Variants in HMCN1 observed in about 807,000 individuals in gnomAD.
The protein encoded by HMCN1 is hemicentin-1.
A neutral mutation model predicts 625.9 loss-of-function variants in HMCN1; 321 were observed. The ratio of observed to expected loss-of-function variants is 0.51; its 90% CI spans 0.47 to 0.56. The LOEUF (loss-of-function observed/expected upper bound fraction) is 0.56. HMCN1 is among the 20% of genes least tolerant of loss of function. The probability of loss-of-function intolerance (pLI) is 0.00; values close to 1 mark genes in which losing one functional copy is unlikely to be tolerated. For synonymous variants in HMCN1, 2,425 were observed against 2,417.6 expected, an observed-to-expected ratio of 1.00 and a Z score of -0.09; for missense variants, 6,588 against 6,887.3, an observed-to-expected ratio of 0.96 and a Z score of 1.54.
intron 84 of HMCN1, 120 bp downstream of exon 84, chr1:186,130,220 T>A: frequency 2.3e-6 from 3 of 1,326,048 alleles, no homozygotes; most frequent in Non-Finnish European, 3.2e-6. Flanking sequence ...TCAGTCCTAT[T>A]TCACAGATGT....
chr1:185,910,348 T>C lies in HMCN1; in HGVS notation c.793+840T>C, dbSNP rs16824739. Among the ~76,000 whole-genome samples, 1,186 of 152,224 alleles carry C rather than the reference T, an allele frequency of 7.8e-3. 38 individuals carry two copies. Among genetic ancestry groups the C allele is most frequent in the East Asian group, 0.05 (257 of 5,164 alleles). On this transcript the variant is annotated intron_variant, in intron 5 of 106. Coordinates refer to ENST00000271588, the MANE Select transcript of HMCN1 (RefSeq NM_031935.3). ...AATACAACGTCTTTCTCAAGACTTA[T>C]ACAAGTTTGAGCTTATAAATGGATT...
intron 4 of HMCN1, among the ~76,000 whole-genome samples, chr1:185,887,442 T>C (rs991738189): frequency 6.6e-6 from 1 of 150,828 alleles, no homozygotes; most frequent in South Asian, 2.1e-4. Flanking sequence ...TATCTCCCAA[T>C]GCTATCCCTC....
chr1:185,975,736 C>T lies in HMCN1; in HGVS notation c.2372-2051C>T, dbSNP rs185220470. On this transcript the variant is annotated intron_variant, in intron 15 of 106. Transcript: ENST00000271588. ...ATTAAGAAAAATCTAAACACTGATA[C>T]ACGATTTATTTATAAAAATATATTG... 4.9e-4 allele frequency among the ~76,000 whole-genome samples: 75 copies of T among 152,170 alleles called. 1 individual carries two copies. The highest frequency in any genetic ancestry group is 9.1e-4 in the Non-Finnish European group (62 of 67,996).
At chr1:186,113,857 G>T in intron 72 of HMCN1, 122 bp from the exon 73 acceptor site, 1 of 1,085,272 alleles carries the variant, frequency 9.2e-7, no homozygotes, top group Admixed American at 1.7e-5. Context: ...TACTAACCTA[G>T]ATTCTTGTAG....
chr1:185,953,858 A>G (rs1004944115), intron 11 of HMCN1, among the ~76,000 whole-genome samples: 3 of 151,420 alleles, frequency 2.0e-5, no homozygotes, highest in Admixed American at 6.6e-5. Context: ...GAGTCCGAAA[A>G]GAGAGTCAGC....
chr1:185,780,245 G>T lies in HMCN1; in HGVS notation c.268+45198G>T, dbSNP rs539550195. On this transcript the variant is annotated intron_variant, in intron 1 of 106. Transcript: ENST00000271588. ...TTGCTTATCAGCTTAAGGAGATTTT[G>T]GGCTGAGATGATGGGGTTTTCTAAA... 3.8e-3 allele frequency among the ~76,000 whole-genome samples: 572 copies of T among 152,274 alleles called. 3 individuals carry two copies. The highest frequency in any genetic ancestry group is 0.013 in the African/African-American group (542 of 41,554).
chr1:186,142,246 A>G (rs1383131192), intron 89 of HMCN1, among the ~76,000 whole-genome samples: 1 of 152,100 alleles, frequency 6.6e-6, no homozygotes, highest in Non-Finnish European at 1.5e-5. Flanking sequence ...ATAAGTGAGA[A>G]CATGCAGTAT....
rs1176315722 is a variant in HMCN1, at chr1:186,182,270, A to G, written c.16397A>G (p.Asn5466Ser). 1.9e-6 allele frequency: 3 copies of G among 1,613,348 alleles called. No individual in the cohort carries two copies. The highest frequency in any genetic ancestry group is 2.7e-5 in the African/African-American group (2 of 74,894). Reference sequence around the variant, plus strand: ...CCACCTGGCTATCAACTCACACACAATGGAAAGACATGCCAAGGTGAGAAA... The same window carrying G: ...CCACCTGGCTATCAACTCACACACAGTGGAAAGACATGCCAAGGTGAGAAA... ...ICPPGYQLTH[N>S]GKTCQDIDEC... The change falls in exon 105 of 107, where the codon AAT (asparagine) becomes AGT (serine). Residue 5466 changes from asparagine (N) to serine (S), a missense_variant. Physicochemically the swap from Asn to Ser is conservative, Grantham distance 46. Transcript: ENST00000271588.
chr1:185,743,990 T>TG (rs2102074389), intron 1 of HMCN1, among the ~76,000 whole-genome samples: 2 of 139,138 alleles, frequency 1.4e-5, no homozygotes, highest in African/African-American at 5.3e-5. Context: ...TTGTTTTTTT[T>TG]TTTTTTTTTT....
At chr1:186,057,692 T>G (rs1342751248) in intron 46 of HMCN1, among the ~76,000 whole-genome samples, 1 of 151,984 alleles carries the variant, frequency 6.6e-6, no homozygotes, top group Non-Finnish European at 1.5e-5. Flanking sequence ...ATCCACCAAT[T>G]TGAAAATAAT....
chr1:186,097,040 G>C (rs1375589456), intron 68 of HMCN1, among the ~76,000 whole-genome samples: 1 of 152,058 alleles, frequency 6.6e-6, no homozygotes, highest in Non-Finnish European at 1.5e-5. Flanking sequence ...GTCCTAGCTA[G>C]AGCAACAGGC....
chr1:185,866,963 G>A (rs1663289451), intron 4 of HMCN1, among the ~76,000 whole-genome samples: 1 of 151,802 alleles, frequency 6.6e-6, no homozygotes, highest in Admixed American at 6.6e-5. Flanking sequence ...GATTCATGTG[G>A]TCACTGTATC....
rs1650732190 is a variant in HMCN1, at chr1:185,970,428, A to G, written c.2306A>G (p.Asp769Gly). The change falls in exon 15 of 107, where the codon GAT becomes GGT. Residue 769 changes from aspartate to glycine, a missense_variant. Around this residue, in one of 3 missense-constraint regions of HMCN1, gnomAD observed 4,628 missense variants for 4,853.1 expected, o/e 0.95. Transcript: ENST00000271588. The stretch of plus-strand genomic sequence containing the variant: ...GAAACACAAGATCTGGATGCTGGCG[A>G]TTATACCTGTGTAGCCATCAATGAG... ...IQETQDLDAGDYTCVAINEAG... is the reference protein window; with the variant it reads ...IQETQDLDAGGYTCVAINEAG... 1.2e-6 allele frequency: 2 copies of G among 1,613,762 alleles called. No homozygotes were observed. The highest frequency in any genetic ancestry group is 2.2e-5 in the South Asian group (2 of 91,088).
chr1:185,856,540 A>G (rs1290139001), intron 2 of HMCN1, among the ~76,000 whole-genome samples: 4 of 151,760 alleles, frequency 2.6e-5, no homozygotes, highest in Non-Finnish European at 1.5e-5. Context: ...ACTGAGTTGC[A>G]TACCTAAATT....
intron 2 of HMCN1, among the ~76,000 whole-genome samples, chr1:185,853,048 G>T (rs866925293): frequency 3.9e-5 from 6 of 151,930 alleles, no homozygotes; most frequent in Non-Finnish European, 7.4e-5. Context: ...TTATTGCTTC[G>T]CTACTTTCCT....
chr1:185,947,145 A>G (rs145744597), intron 11 of HMCN1, among the ~76,000 whole-genome samples: 92 of 152,278 alleles, frequency 6.0e-4, no homozygotes, highest in African/African-American at 2.1e-3. Flanking sequence ...TTTGTTGCCA[A>G]TGTCCCACCT....
chr1:185,942,476 G>A lies in HMCN1; in HGVS notation c.1828+8652G>A, dbSNP rs16829049. Among the ~76,000 whole-genome samples the A allele has an allele frequency of 7.8e-3, 1,186 of 152,232 alleles. 46 individuals are homozygous for A. The highest frequency in any genetic ancestry group is 0.06 in the Admixed American group (915 of 15,292). ...GACTGCTGGGAAGAGAGGTCTAATA[G>A]GCAGTTAGCAAACATATCAACCCAC... On this transcript the variant is annotated intron_variant, in intron 11 of 106. Coordinates refer to ENST00000271588, the MANE Select transcript of HMCN1 (RefSeq NM_031935.3).
In HMCN1 at chr1:186,061,961, T is replaced by G. The variant is rs372194947; in HGVS notation, c.7423T>G (p.Leu2475Val). 1.9e-6 allele frequency: 3 copies of G among 1,571,474 alleles called. No individual in the cohort carries two copies. The highest frequency in any genetic ancestry group is 2.6e-6 in the Non-Finnish European group (3 of 1,141,948). ...AAGAAAAATCTTTGGGCTTTCAGTATTAGGTACTTATATAGTTTGCAATAT... is the reference window on the plus strand; with the variant it reads ...AAGAAAAATCTTTGGGCTTTCAGTAGTAGGTACTTATATAGTTTGCAATAT... ...EERKIFGLSVLVPPHIVGENT... is the reference protein window; with the variant it reads ...EERKIFGLSVVVPPHIVGENT... Residue 2475 changes from leucine to valine, a missense_variant, in exon 47 of 107, where the codon TTA (leucine) becomes GTA (valine). This residue lies in a region of HMCN1 where 4,628 missense variants were observed against 4,853.1 expected (regional missense o/e 0.95). Transcript: ENST00000271588.
At chr1:186,045,964 AT>A (rs751079578) in intron 41 of HMCN1, 101 bp downstream of exon 41, 6 of 844,834 alleles carry the variant, frequency 7.1e-6, no homozygotes, top group African/African-American at 1.7e-5. Context: ...TGTTGGACTA[AT>A]TTTCTCTTAC....
Sources: allele counts gnomAD v4.1 joint callset (sites outside exome capture counted in the v4.1 genomes callset), GRCh38; gene constraint gnomAD v4.1.1; regional missense constraint gnomAD v4.1.1; transcripts MANE v1.5; gene names NCBI Gene and HGNC (gene_info 2026-07-23, HGNC 2026-07-21).